Variants in SCAPER observed in about 807,000 individuals in gnomAD.
SCAPER encodes the protein S-phase cyclin A associated protein in the ER.
In SCAPER, 98 loss-of-function variants were observed where a neutral mutation model predicts 182.2. The ratio of observed to expected loss-of-function variants is 0.54; its 90% CI spans 0.46 to 0.64. SCAPER has a LOEUF of 0.64. SCAPER is among the 30% of genes least tolerant of loss of function. The pLI, the probability that SCAPER is intolerant of heterozygous loss-of-function variation, is 0.00. For missense variants in SCAPER, 1,432 were observed against 1,690.0 expected (o/e 0.85, Z 2.68); for synonymous variants, 605 against 564.6 (o/e 1.07, Z -1.01).
intron 6 of SCAPER, among the ~76,000 whole-genome samples, chr15:76,802,389 C>A (rs2065863812): frequency 6.6e-6 from 1 of 152,136 alleles, no homozygotes; most frequent in Non-Finnish European, 1.5e-5. Context: ...CCCAAATCAG[C>A]ATGATGATCT....
At chr15:76,520,250 A>G (rs368533308) in intron 23 of SCAPER, among the ~76,000 whole-genome samples, 2 of 151,944 alleles carry the variant, frequency 1.3e-5, no homozygotes, top group South Asian at 4.2e-4. Flanking sequence ...ACAAAGTCTC[A>G]CTCTGTCACC....
rs1051456731 is a variant in SCAPER, at chr15:76,842,985, A to G, written c.196-1054T>C. Among the ~76,000 whole-genome samples, 2 of 152,146 alleles carry G rather than the reference A, an allele frequency of 1.3e-5. 1 individual carries two copies. The highest frequency in any genetic ancestry group is 1.3e-4 in the Admixed American group (2 of 15,254). On this transcript the variant is annotated intron_variant, in intron 4 of 31. Coordinates refer to ENST00000563290, the MANE Select transcript of SCAPER (RefSeq NM_020843.4). ...TTTCCTGAATTATACTTCCTTCCCA[A>G]AGTTTTTTTCTACATTGATCAGCAA...
At chr15:76,712,262 A>C (rs949900420) in intron 17 of SCAPER, among the ~76,000 whole-genome samples, 3 of 152,076 alleles carry the variant, frequency 2.0e-5, no homozygotes, top group Non-Finnish European at 2.9e-5. Context: ...ATGCGGCGTT[A>C]TTTATGAGGG....
At chr15:76,659,913 A>T (rs1027217065) in intron 21 of SCAPER, among the ~76,000 whole-genome samples, 2 of 152,192 alleles carry the variant, frequency 1.3e-5, no homozygotes, top group Middle Eastern at 6.3e-3. Context: ...TAGGAATATA[A>T]ATCTTTCTAC....
chr15:76,575,332 A>G (rs1425764831), intron 22 of SCAPER, among the ~76,000 whole-genome samples: 1 of 152,116 alleles, frequency 6.6e-6, no homozygotes, highest in Non-Finnish European at 1.5e-5. Flanking sequence ...TTCTCCCACT[A>G]TCCACAAAGG....
intron 23 of SCAPER, among the ~76,000 whole-genome samples, chr15:76,521,547 C>T (rs2459361): frequency 1.3e-5 from 2 of 151,944 alleles, no homozygotes; most frequent in South Asian, 2.1e-4. Context: ...AGCTGTAGTT[C>T]GGTTATCCAT....
chr15:76,547,054 A>G (rs2045357903), intron 23 of SCAPER, among the ~76,000 whole-genome samples: 2 of 152,170 alleles, frequency 1.3e-5, no homozygotes, highest in Admixed American at 1.3e-4. Context: ...AATTTTCTCC[A>G]AAGTATAAGC....
intron 21 of SCAPER, among the ~76,000 whole-genome samples, chr15:76,622,888 A>G (rs1309218300): frequency 3.3e-5 from 5 of 152,298 alleles, no homozygotes; most frequent in African/African-American, 7.2e-5. Flanking sequence ...GTCGGGCCCA[A>G]TGAAAGGTGG....
chr15:76,825,472 A>G (rs1394296939), intron 5 of SCAPER, among the ~76,000 whole-genome samples: 1 of 152,216 alleles, frequency 6.6e-6, no homozygotes, highest in African/African-American at 2.4e-5. Flanking sequence ...TATAAAAACA[A>G]AAGTCCTTTC....
intron 22 of SCAPER, among the ~76,000 whole-genome samples, chr15:76,609,535 T>C (rs2050788864): frequency 6.6e-6 from 1 of 152,182 alleles, no homozygotes; most frequent in African/African-American, 2.4e-5. Context: ...ATATTATCCA[T>C]CTGTCATTGC....
intron 15 of SCAPER, among the ~76,000 whole-genome samples, chr15:76,749,957 G>C (rs187904297): frequency 1.3e-5 from 2 of 151,870 alleles, no homozygotes; most frequent in South Asian, 2.1e-4. Context: ...AAAGCTTATG[G>C]ACTTGTACTT....
At chr15:76,880,457 G>A (rs2073460907) in intron 2 of SCAPER, among the ~76,000 whole-genome samples, 1 of 152,152 alleles carries the variant, frequency 6.6e-6, no homozygotes, top group Admixed American at 6.6e-5. Context: ...TACTATTACA[G>A]TTCTGAATAA....
At position 76,687,338 on chromosome 15, in the gene SCAPER, A is replaced by G. The variant is rs2058086071; in HGVS notation, c.2508+14420T>C. 2.0e-5 allele frequency among the ~76,000 whole-genome samples: 3 copies of G among 152,210 alleles called. No homozygotes were observed. The South Asian group carries it at 6.2e-4, about 31-fold the overall frequency. The stretch of plus-strand genomic sequence containing the variant: ...TATTAAACTACAAAGAAAAATTAAT[A>G]AACTCCTCAAAGTGGAACTTATATA... On this transcript the variant is annotated intron_variant, in intron 20 of 31. Transcript: ENST00000563290.
At chr15:76,776,722 G>A (rs2063765318) in intron 8 of SCAPER, among the ~76,000 whole-genome samples, 1 of 152,114 alleles carries the variant, frequency 6.6e-6, no homozygotes, top group South Asian at 2.1e-4. Flanking sequence ...TCCTTAGTGT[G>A]AGGGTGGCCA....
chr15:76,413,445 T>A (rs1397098233), intron 26 of SCAPER, among the ~76,000 whole-genome samples: 1 of 152,246 alleles, frequency 6.6e-6, no homozygotes, highest in South Asian at 2.1e-4. Flanking sequence ...ATGATCTTAG[T>A]TTCCTTTTGT....
intron 23 of SCAPER, among the ~76,000 whole-genome samples, chr15:76,535,521 CAAAAAAAAAAAAAAAA>C (rs56660301): frequency 2.1e-5 from 1 of 46,634 alleles, no homozygotes; most frequent in Admixed American, 3.2e-4. Flanking sequence ...GACTCTGTCT[CAAAAAAAAAAAAAAAA>C]AAAAAAAAAA....
chr15:76,824,416 A>T (rs2067826450), intron 5 of SCAPER, among the ~76,000 whole-genome samples: 1 of 152,212 alleles, frequency 6.6e-6, no homozygotes, highest in Non-Finnish European at 1.5e-5. Flanking sequence ...CACGACATCA[A>T]TACAGCCCTC....
At chr15:76,837,600 C>T (rs2069072301) in intron 5 of SCAPER, among the ~76,000 whole-genome samples, 1 of 152,322 alleles carries the variant, frequency 6.6e-6, no homozygotes, top group South Asian at 2.1e-4. Flanking sequence ...ATGGGAACTA[C>T]AATTCAAGAT....
At chr15:76,752,495 T>C (rs977716966) in intron 15 of SCAPER, among the ~76,000 whole-genome samples, 1 of 151,726 alleles carries the variant, frequency 6.6e-6, no homozygotes, top group African/African-American at 2.4e-5. Context: ...TCCATTGAGG[T>C]ATGAATGGAT....
Sources: gnomAD v4.1 joint callset for allele counts (sites outside exome capture counted in the v4.1 genomes callset) on GRCh38, gnomAD v4.1.1 for gene constraint, MANE v1.5 for transcripts, NCBI Gene and HGNC (gene_info 2026-07-23, HGNC 2026-07-21) for gene names.